The following MICAL2 variants were observed in gnomAD, a reference collection of about 807,000 sequenced individuals.
MICAL2 encodes microtubule associated monooxygenase, calponin and LIM domain containing 2, also known as [F-actin]-monooxygenase MICAL2.
A neutral mutation model predicts 127.3 loss-of-function variants in MICAL2; 77 were observed. The ratio of observed to expected loss-of-function variants is 0.60; its 90% confidence interval spans 0.50 to 0.73. The LOEUF (loss-of-function observed/expected upper bound fraction) is 0.73, where lower values mean the gene tolerates loss of function less well. Ranked by LOEUF, MICAL2 falls within the 30% of genes least tolerant of loss-of-function variation. The pLI, the probability that MICAL2 is intolerant of heterozygous loss-of-function variation, is 0.00. For synonymous variants in MICAL2, 570 were observed against 551.1 expected (o/e 1.03, Z -0.48); for missense variants, 1,351 against 1,434.4 (o/e 0.94, Z 0.94).
In MICAL2 at chr11:12,186,697, G is replaced by T. The variant is rs377369469; in HGVS notation, c.265-17553G>T. Reference sequence around the variant, plus strand: ...GACCCAGGGAAGGTTTGCCTCTTACGGGCTCAAGAGCCTACTGGGAGTGCA... The same window carrying T: ...GACCCAGGGAAGGTTTGCCTCTTACTGGCTCAAGAGCCTACTGGGAGTGCA... On this transcript the variant is annotated intron_variant, in intron 3 of 27. Coordinates refer to ENST00000683283, the MANE Select transcript of MICAL2 (RefSeq NM_001282663.2). 5.9e-5 allele frequency among the ~76,000 whole-genome samples: 9 copies of T among 152,282 alleles called. No individual in the cohort carries two copies. In the East Asian group the frequency reaches 1.5e-3, roughly 26 times the overall value.
At chr11:12,338,279 C>T (rs1834323755) in intron 32 of MICAL2, among the ~76,000 whole-genome samples, 1 of 152,052 alleles carries the variant, frequency 6.6e-6, no homozygotes, top group Admixed American at 6.5e-5. Context: ...CTTGCAACCC[C>T]TGCCTTTTTT....
At position 12,226,187 on chromosome 11, in the gene MICAL2, A is replaced by G; in HGVS notation, c.1705A>G (p.Asn569Asp). 1 of 1,614,150 alleles carries G rather than the reference A, an allele frequency of 6.2e-7. No individual in the cohort carries two copies. The change falls in exon 14 of 28, where the codon AAT becomes GAT. Residue 569 changes from asparagine (N) to aspartate (D), a missense_variant. Transcript: ENST00000683283. ...RPELINFDSL[N>D]EDDAVENNQL... The stretch of plus-strand genomic sequence containing the variant: ...ATTCTCTAGCAACTTTGACTCTTTG[A>G]ATGAAGATGATGCTGTGGAGAACAA...
downstream of MICAL2, chr11:12,292,240 A>T (rs766015108): frequency 1.8e-5 from 29 of 1,613,426 alleles, no homozygotes; most frequent in African/African-American, 3.3e-4. Flanking sequence ...CTTCCCCACC[A>T]TCTTCTTCTT....
At chr11:12,293,502 T>C, downstream of MICAL2, 1 of 1,519,718 alleles carries the variant, frequency 6.6e-7, no homozygotes, top group South Asian at 1.3e-5. Context: ...TTTGCTTTCA[T>C]CATATAAATA....
At chr11:12,207,951 T>C in intron 4 of MICAL2, 72 bp from the exon 5 acceptor site, 1 of 1,152,390 alleles carries the variant, frequency 8.7e-7, no homozygotes, top group Non-Finnish European at 1.3e-6. Context: ...CGGCAGTGAT[T>C]ATGTAGCATT....
At chr11:12,230,678 C>A (rs1003031329) in intron 15 of MICAL2, among the ~76,000 whole-genome samples, 10 of 151,886 alleles carry the variant, frequency 6.6e-5, no homozygotes, top group African/African-American at 2.2e-4. Flanking sequence ...AAGAACCTCC[C>A]TCCCTGATTT....
chr11:12,304,279 G>A (rs1366775015), intron 29 of MICAL2, among the ~76,000 whole-genome samples: 3 of 152,034 alleles, frequency 2.0e-5, no homozygotes, highest in African/African-American at 4.8e-5. Context: ...GTGAGGTAAG[G>A]TGAAGGTTTA....
chr11:12,178,037 G>C (rs943835086), intron 3 of MICAL2, among the ~76,000 whole-genome samples: 2 of 152,232 alleles, frequency 1.3e-5, no homozygotes, highest in African/African-American at 4.8e-5. Flanking sequence ...GCAGCTTCAG[G>C]ATGAAGGCTG....
At chr11:12,226,783 G>C (rs1184611986) in intron 14 of MICAL2, among the ~76,000 whole-genome samples, 1 of 151,454 alleles carries the variant, frequency 6.6e-6, no homozygotes, top group Non-Finnish European at 1.5e-5. Flanking sequence ...CTCCCGAGTA[G>C]CTGGGACTAC....
chr11:12,150,982 T>A (rs1853516259), intron 2 of MICAL2, among the ~76,000 whole-genome samples: 1 of 152,146 alleles, frequency 6.6e-6, no homozygotes, highest in Non-Finnish European at 1.5e-5. Context: ...CTCAGCGCTG[T>A]GAGAGGCCCC....
chr11:12,281,657 T>C (rs1299111040), intron 2 of MICAL2, among the ~76,000 whole-genome samples: 3 of 152,202 alleles, frequency 2.0e-5, no homozygotes, highest in Non-Finnish European at 4.4e-5. Context: ...ACTTTTCCCA[T>C]ACGTGTGGTC....
intron 29 of MICAL2, among the ~76,000 whole-genome samples, chr11:12,304,695 A>C (rs1349914289): frequency 6.5e-5 from 9 of 138,666 alleles, no homozygotes; most frequent in African/African-American, 1.7e-4. Context: ...CACACACACA[A>C]AACATTCTTC....
intron 32 of MICAL2, among the ~76,000 whole-genome samples, chr11:12,346,866 A>G (rs998525615): frequency 3.9e-5 from 6 of 152,194 alleles, no homozygotes; most frequent in Non-Finnish European, 4.4e-5. Flanking sequence ...AAGAAACCTA[A>G]GAAAGATTAA....
chr11:12,305,302 A>T (rs1565300213), intron 29 of MICAL2, among the ~76,000 whole-genome samples: 1 of 151,928 alleles, frequency 6.6e-6, no homozygotes, highest in Non-Finnish European at 1.5e-5. Flanking sequence ...AAGCGGGAAG[A>T]CCCCCTTATA....
chr11:12,128,125 A>G (rs1468821172), intron 1 of MICAL2, among the ~76,000 whole-genome samples: 1 of 152,228 alleles, frequency 6.6e-6, no homozygotes, highest in African/African-American at 2.4e-5. Flanking sequence ...AAATGAAGAA[A>G]ATAATGGCGC....
chr11:12,255,269 C>G (rs1056156735), intron 22 of MICAL2: 1 of 241,200 alleles, frequency 4.1e-6, no homozygotes, highest in South Asian at 6.4e-5. Flanking sequence ...ATACATCCTT[C>G]GTGTGCAACC....
At chr11:12,272,011 T>C (rs1251247586), upstream of MICAL2, among the ~76,000 whole-genome samples, 1 of 152,202 alleles carries the variant, frequency 6.6e-6, no homozygotes, top group Non-Finnish European at 1.5e-5. Context: ...CTCTGTGCTC[T>C]GAGAGGCCAT....
At chr11:12,122,010 C>T (rs181227801) in intron 1 of MICAL2, among the ~76,000 whole-genome samples, 6 of 152,298 alleles carry the variant, frequency 3.9e-5, no homozygotes, top group East Asian at 1.9e-4. Flanking sequence ...GATTTGTTCA[C>T]TGATTGATAA....
intron 21 of MICAL2, among the ~76,000 whole-genome samples, chr11:12,247,945 A>T (rs909065037): frequency 4.6e-5 from 7 of 152,170 alleles, no homozygotes; most frequent in African/African-American, 1.4e-4. Context: ...GCACTTGGAA[A>T]CTGATGCTTA....
Sources: gnomAD v4.1 joint callset for allele counts (sites outside exome capture counted in the v4.1 genomes callset) on GRCh38, gnomAD v4.1.1 for gene constraint, MANE v1.5 for transcripts, NCBI Gene and HGNC (gene_info 2026-07-23, HGNC 2026-07-21) for gene names.